Variants in DCDC2C observed in about 807,000 individuals in gnomAD.
DCDC2C encodes the protein doublecortin domain-containing protein 2C.
DCDC2C carries 44 observed loss-of-function variants against 45.0 expected under a neutral mutation model. That is an observed-to-expected ratio of 0.98 (90% CI 0.77 to 1.26). The LOEUF is 1.26. DCDC2C is among the 50% of genes most tolerant of loss of function. The pLI, the probability that DCDC2C is intolerant of heterozygous loss-of-function variation, is 0.00. For missense variants in DCDC2C, 447 were observed against 468.9 expected, an observed-to-expected ratio of 0.95 and a Z score of 0.43; for synonymous variants, 187 against 178.8, an observed-to-expected ratio of 1.05 and a Z score of -0.37.
chr2:3,799,581 C>T (rs201031108), intron 10 of DCDC2C, among the ~76,000 whole-genome samples: 18,388 of 151,614 alleles, frequency 0.12, 257 homozygotes, highest in East Asian at 0.25. Flanking sequence ...AGTTTTCCTT[C>T]TAACAGACAG....
intron 7 of DCDC2C, among the ~76,000 whole-genome samples, chr2:3,768,652 C>A (rs1442199065): frequency 6.6e-6 from 1 of 152,218 alleles, no homozygotes; most frequent in Non-Finnish European, 1.5e-5. Flanking sequence ...CAGCTCACTG[C>A]AACCTCTGCC....
chr2:3,792,337 T>G (rs1670835130), intron 10 of DCDC2C, among the ~76,000 whole-genome samples: 1 of 152,216 alleles, frequency 6.6e-6, no homozygotes, highest in South Asian at 2.1e-4. Context: ...ATTCCATTTC[T>G]GTTCTCCACG....
chr2:3,785,500 G>A (rs1670625528), intron 10 of DCDC2C, among the ~76,000 whole-genome samples: 1 of 152,026 alleles, frequency 6.6e-6, no homozygotes, highest in African/African-American at 2.4e-5. Context: ...ACCTTCAGAC[G>A]CCAGCCATGA....
chr2:3,774,138 ATTGT>A (rs1412689555), intron 8 of DCDC2C, among the ~76,000 whole-genome samples: 2 of 152,256 alleles, frequency 1.3e-5, no homozygotes, highest in South Asian at 2.1e-4. Flanking sequence ...TAATCTGTGA[ATTGT>A]TTAATTGGAA....
intron 10 of DCDC2C, among the ~76,000 whole-genome samples, chr2:3,819,920 G>C (rs1268757663): frequency 6.6e-6 from 1 of 152,190 alleles, no homozygotes; most frequent in East Asian, 1.9e-4. Flanking sequence ...TGGGGGAGCA[G>C]AGGCTGAGGA....
chr2:3,778,520 A>G (rs1450070119), intron 8 of DCDC2C, among the ~76,000 whole-genome samples: 1 of 152,192 alleles, frequency 6.6e-6, no homozygotes, highest in African/African-American at 2.4e-5. Context: ...TGGGGTCCTC[A>G]TGGTGTCCCA....
At position 3,818,812 on chromosome 2, in the gene DCDC2C, G is replaced by A. The variant is rs35526207; in HGVS notation, c.1066-28342G>A. On this transcript the variant is annotated intron_variant, in intron 10 of 10. Coordinates refer to ENST00000399143, the MANE Select transcript of DCDC2C (RefSeq NM_001287444.2). The surrounding 1 kb of genome is among the most constrained non-coding windows in gnomAD (Gnocchi z 4.7). ...AGGCTTTGAACTGGGGAAAAGGGTG[G>A]CAATGAGGTGTGGCTGTAGCCCAGG... Among the ~76,000 whole-genome samples the A allele has an allele frequency of 0.16, 23,619 of 152,024 alleles. 1,926 individuals are homozygous for A. Among genetic ancestry groups the A allele is most frequent in the East Asian group, 0.29 (1,477 of 5,148 alleles).
At chr2:3,732,415 T>C (rs1285350974) in intron 3 of DCDC2C, among the ~76,000 whole-genome samples, 4 of 152,050 alleles carry the variant, frequency 2.6e-5, no homozygotes, top group Non-Finnish European at 5.9e-5. Context: ...CGGAATCATA[T>C]CTATGTATAT....
At chr2:3,806,003 T>G (rs1471406888) in intron 10 of DCDC2C, among the ~76,000 whole-genome samples, 1 of 151,768 alleles carries the variant, frequency 6.6e-6, no homozygotes, top group Non-Finnish European at 1.5e-5. Context: ...GCGAATTTTT[T>G]GTTGTTTTGT....
In DCDC2C at chr2:3,705,608, G is replaced by C. The variant is rs181270306; in HGVS notation, c.287+1570G>C. ...CTGTGTTTTACATGTTAGCAAATGA[G>C]GAAGGAAACGTATCAAGCACCTGCC... is the stretch of plus-strand genomic sequence containing the variant. On this transcript the variant is annotated intron_variant, in intron 1 of 10. Coordinates refer to ENST00000399143, the MANE Select transcript of DCDC2C (RefSeq NM_001287444.2). 1.8e-4 allele frequency among the ~76,000 whole-genome samples: 27 copies of C among 152,330 alleles called. No homozygotes were observed. In the East Asian group the frequency reaches 4.8e-3, roughly 27 times the overall value.
At chr2:3,819,453 G>C (rs1471193734) in intron 10 of DCDC2C, among the ~76,000 whole-genome samples, 3 of 152,198 alleles carry the variant, frequency 2.0e-5, no homozygotes, top group Non-Finnish European at 4.4e-5. Context: ...ATGTGGCTGG[G>C]GTTTCTCTCA....
chr2:3,741,107 T>G (rs893912506), intron 3 of DCDC2C, among the ~76,000 whole-genome samples: 53 of 152,214 alleles, frequency 3.5e-4, no homozygotes, highest in Admixed American at 3.3e-3. Flanking sequence ...TTGTGTTGGG[T>G]TTTGAAAATC....
At chr2:3,808,987 G>A (rs1256496548) in intron 10 of DCDC2C, among the ~76,000 whole-genome samples, 2 of 152,064 alleles carry the variant, frequency 1.3e-5, no homozygotes, top group Non-Finnish European at 2.9e-5. Flanking sequence ...GATTGTTCTT[G>A]TACCTTCTGT....
chr2:3,760,571 C>A (rs1206323716), intron 6 of DCDC2C, among the ~76,000 whole-genome samples: 1 of 152,050 alleles, frequency 6.6e-6, no homozygotes, highest in Admixed American at 6.6e-5. Context: ...AGCAAAGTAA[C>A]ACAGGAACAG....
At chr2:3,841,637 G>A (rs1010916189) in intron 10 of DCDC2C, among the ~76,000 whole-genome samples, 7 of 152,156 alleles carry the variant, frequency 4.6e-5, no homozygotes, top group African/African-American at 1.7e-4. Context: ...ATGAGTAAAC[G>A]CAATCCCTGC....
chr2:3,800,377 C>T (rs970691440), intron 10 of DCDC2C, among the ~76,000 whole-genome samples: 52 of 152,168 alleles, frequency 3.4e-4, no homozygotes, highest in African/African-American at 1.2e-3. Context: ...TCCTATTCGG[C>T]CATCTTGGCT....
At chr2:3,791,805 G>C (rs1670819098) in intron 10 of DCDC2C, among the ~76,000 whole-genome samples, 1 of 152,208 alleles carries the variant, frequency 6.6e-6, no homozygotes, top group Non-Finnish European at 1.5e-5. Context: ...AAGCCACCCT[G>C]TGGGCAGGGT....
rs570317188 is a variant in DCDC2C at position 3,741,565 on chromosome 2, T to C, written c.417-355T>C. ...TGAAAAAGCGAGCCACACCCCCATC[T>C]CATGCTCTGTGAGGGGGACAAGAGA... On this transcript the variant is annotated intron_variant, in intron 3 of 10. Transcript: ENST00000399143. 1.1e-4 allele frequency among the ~76,000 whole-genome samples: 17 copies of C among 152,272 alleles called. No individual in the cohort carries two copies. In the South Asian group the frequency reaches 3.5e-3, roughly 32 times the overall value.
rs534866305 is a variant in DCDC2C, at chr2:3,738,842, G to C, written c.417-3078G>C. 2.1e-4 allele frequency among the ~76,000 whole-genome samples: 32 copies of C among 152,308 alleles called. No homozygotes were observed. The South Asian group carries it at 6.6e-3, about 32-fold the overall frequency. ...ACCAGTGTTTATTTACCAGTGATGG[G>C]ATTTGATGTGTGCCCATCCACAACC... On this transcript the variant is annotated intron_variant, in intron 3 of 10. Transcript: ENST00000399143.
Sources: gnomAD v4.1 joint callset for allele counts (sites outside exome capture counted in the v4.1 genomes callset) on GRCh38, gnomAD v4.1.1 for gene constraint, Gnocchi (gnomAD v3.1) non-coding constraint, MANE v1.5 for transcripts, NCBI Gene and HGNC (gene_info 2026-07-23, HGNC 2026-07-21) for gene names.